PCCA: variants seen among roughly 807,000 people sequenced by gnomAD.
PCCA encodes propionyl-CoA carboxylase subunit alpha, also known as propionyl-CoA carboxylase alpha chain, mitochondrial.
In PCCA, 74 loss-of-function variants were observed where a neutral mutation model predicts 101.3. That is an observed-to-expected ratio of 0.73 (90% CI 0.61 to 0.89). PCCA has a LOEUF of 0.89. Among genes scored for constraint, PCCA ranks in the 40% least tolerant of loss-of-function variants. The pLI is 0.00. For missense variants in PCCA, 891 were observed against 907.0 expected (o/e 0.98, Z 0.23); for synonymous variants, 294 against 313.6 (o/e 0.94, Z 0.66).
chr13:100,176,512 T>C (rs2056250890), intron 6 of PCCA, among the ~76,000 whole-genome samples: 1 of 152,256 alleles, frequency 6.6e-6, no homozygotes, highest in Non-Finnish European at 1.5e-5. Context: ...ATGATACATC[T>C]ACCCATGTAT....
At chr13:100,129,406 C>G (rs991099479) in intron 4 of PCCA, among the ~76,000 whole-genome samples, 1 of 152,156 alleles carries the variant, frequency 6.6e-6, no homozygotes, top group African/African-American at 2.4e-5. Context: ...TTCATAGGCT[C>G]TTTTTTCTGG....
At chr13:100,090,489 C>T (rs975568380) in intron 1 of PCCA, among the ~76,000 whole-genome samples, 2 of 152,110 alleles carry the variant, frequency 1.3e-5, no homozygotes, top group Non-Finnish European at 2.9e-5. Context: ...GTATATTGGA[C>T]AGGTCTCTTC....
At chr13:100,391,660 A>G (rs987331704) in intron 19 of PCCA, among the ~76,000 whole-genome samples, 1 of 152,060 alleles carries the variant, frequency 6.6e-6, no homozygotes. Flanking sequence ...ATGGGTTTCG[A>G]TTTTATTGTG....
intron 4 of PCCA, among the ~76,000 whole-genome samples, chr13:100,147,423 G>A (rs1480257111): frequency 1.3e-5 from 2 of 152,110 alleles, no homozygotes; most frequent in Admixed American, 6.6e-5. Flanking sequence ...GCTCTGGTAG[G>A]GCTTTAAGAT....
In PCCA at chr13:100,225,337, A is replaced by C. The variant is rs573601798; in HGVS notation, c.601-10505A>C. On this transcript the variant is annotated intron_variant, in intron 7 of 23. Transcript: ENST00000376285. Reference sequence around the variant, plus strand: ...CCTATTAACACACCAGTTTCAGAAGAAATTTATTTAATGTCCTTTAGTTCT... The same window carrying C: ...CCTATTAACACACCAGTTTCAGAAGCAATTTATTTAATGTCCTTTAGTTCT... Among the ~76,000 whole-genome samples the C allele has an allele frequency of 2.5e-3, 387 of 152,362 alleles. 2 individuals carry two copies. Among genetic ancestry groups the C allele is most frequent in the African/African-American group, 8.7e-3 (363 of 41,588 alleles).
intron 7 of PCCA, among the ~76,000 whole-genome samples, chr13:100,223,266 A>G (rs1327705543): frequency 6.6e-6 from 1 of 152,164 alleles, no homozygotes; most frequent in Non-Finnish European, 1.5e-5. Context: ...ACTGACTTCA[A>G]GAATGAAGCC....
intron 21 of PCCA, among the ~76,000 whole-genome samples, chr13:100,512,575 C>T (rs138071454): frequency 5.9e-5 from 9 of 152,234 alleles, no homozygotes; most frequent in Non-Finnish European, 1.2e-4. Flanking sequence ...CTCACTGGAG[C>T]GAGTCATCTT....
chr13:100,196,486 C>T (rs1310165539), intron 6 of PCCA, among the ~76,000 whole-genome samples: 2 of 152,160 alleles, frequency 1.3e-5, no homozygotes, highest in African/African-American at 4.8e-5. Context: ...CCACTGTTCT[C>T]TTTCCCTAAC....
chr13:100,396,629 A>G lies in PCCA; in HGVS notation c.1746+28055A>G, dbSNP rs530719593. ...CGTTCGAGGTTAGCCTGGGCAATAT[A>G]GAAACCTCTTATCTATATAATAAAA... On this transcript the variant is annotated intron_variant, in intron 19 of 23. Coordinates refer to ENST00000376285, the MANE Select transcript of PCCA (RefSeq NM_000282.4). Among the ~76,000 whole-genome samples, 215 of 152,388 alleles carry G rather than the reference A, an allele frequency of 1.4e-3. 2 individuals carry two copies. The highest frequency in any genetic ancestry group is 2.7e-3 in the Non-Finnish European group (181 of 68,042).
intron 21 of PCCA, among the ~76,000 whole-genome samples, chr13:100,497,005 A>G (rs1004138662): frequency 6.6e-6 from 1 of 152,196 alleles, no homozygotes; most frequent in African/African-American, 2.4e-5. Context: ...GTACAAGTGC[A>G]CTTGTTCTCA....
chr13:100,438,846 C>T (rs562857302), intron 20 of PCCA, among the ~76,000 whole-genome samples: 2 of 152,146 alleles, frequency 1.3e-5, no homozygotes, highest in East Asian at 1.9e-4. Flanking sequence ...AGAATAATAC[C>T]CCAAATGTTG....
At chr13:100,465,096 T>C (rs527748605) in intron 21 of PCCA, among the ~76,000 whole-genome samples, 61 of 152,316 alleles carry the variant, frequency 4.0e-4, no homozygotes, top group Middle Eastern at 3.4e-3. Context: ...TCAGTGGTTC[T>C]CAAGTTTTAT....
chr13:100,344,766 T>C (rs1038079444), intron 18 of PCCA, among the ~76,000 whole-genome samples: 2 of 152,258 alleles, frequency 1.3e-5, no homozygotes, highest in African/African-American at 4.8e-5. Flanking sequence ...TTGCATTTTT[T>C]ACGGATTGAA....
intron 6 of PCCA, among the ~76,000 whole-genome samples, chr13:100,208,450 C>T (rs1459741921): frequency 6.6e-6 from 1 of 152,148 alleles, no homozygotes; most frequent in African/African-American, 2.4e-5. Context: ...AGCAGTTAGG[C>T]GCCTTCCTCG....
At position 100,527,772 on chromosome 13, in the gene PCCA, T is replaced by G. The variant is rs1391091549; in HGVS notation, c.2118+20T>G. 1 of 1,580,734 alleles carries G rather than the reference T, an allele frequency of 6.3e-7. No individual in the cohort carries two copies. Among genetic ancestry groups the G allele is most frequent in the Non-Finnish European group, 8.7e-7 (1 of 1,151,090 alleles). ...GGCACGGTGAGTCCCTAAGTCCCCA[T>G]CAGCCCAGGCCGGCCCTGTGATGGA... On this transcript the variant is annotated intron_variant, in intron 23 of 23. Transcript: ENST00000376285.
intron 19 of PCCA, among the ~76,000 whole-genome samples, chr13:100,388,206 C>G (rs879553919): frequency 6.6e-6 from 1 of 152,204 alleles, no homozygotes; most frequent in Non-Finnish European, 1.5e-5. Context: ...CAGTGGCTCA[C>G]GCCTATAAGC....
At chr13:100,530,058 T>C (rs1218298972) in intron 23 of PCCA, 40 bp from the exon 24 acceptor site, 1 of 1,527,014 alleles carries the variant, frequency 6.5e-7, no homozygotes, top group Admixed American at 1.7e-5. Context: ...TGGTTACTAA[T>C]TCTTACTCTC....
At chr13:100,502,758 A>G (rs1164264947) in intron 21 of PCCA, among the ~76,000 whole-genome samples, 1 of 152,252 alleles carries the variant, frequency 6.6e-6, no homozygotes, top group Non-Finnish European at 1.5e-5. Context: ...AGTAAAGGAC[A>G]GGGATTTAGG....
intron 2 of PCCA, among the ~76,000 whole-genome samples, chr13:100,105,115 A>G (rs1186270710): frequency 1.3e-5 from 2 of 152,220 alleles, no homozygotes; most frequent in Non-Finnish European, 2.9e-5. Flanking sequence ...AGTATTAACA[A>G]GACACCTTAG....
Sources: allele counts gnomAD v4.1 joint callset (sites outside exome capture counted in the v4.1 genomes callset), GRCh38; gene constraint gnomAD v4.1.1; transcripts MANE v1.5; gene names NCBI Gene and HGNC (gene_info 2026-07-23, HGNC 2026-07-21).